The following CHD1 variants were observed in gnomAD, a reference collection of about 807,000 sequenced individuals.
CHD1 encodes chromodomain helicase DNA binding protein 1.
A neutral mutation model predicts 224.2 loss-of-function variants in CHD1; 36 were observed. The observed-to-expected ratio is 0.16, with a 90% CI of 0.12 to 0.21. The LOEUF is 0.21. Ranked by LOEUF, CHD1 falls within the 10% of genes least tolerant of loss-of-function variation. The probability of loss-of-function intolerance (pLI) is 1.00; values close to 1 mark genes in which losing one functional copy is unlikely to be tolerated. For synonymous variants in CHD1, 668 were observed against 658.3 expected (o/e 1.01, Z -0.23); for missense variants, 1,378 against 1,994.8 (o/e 0.69, Z 5.89).
rs577086544 is a variant in CHD1 at position 98,872,105 on chromosome 5, T to C, written c.3807A>G (p.Gly1269=). ...SNLLIGIYEY[G]YGSWEMIKMD... is the part of the protein sequence containing the mutation. ...TTTTAATCATTTCCCAGCTTCCATA[T>C]CCATATTCATAGATGCCAATTAACA... The change falls in exon 28 of 36, where the codon GGA becomes GGG. Residue 1269 remains glycine (G), a synonymous_variant. Transcript: ENST00000614616. 3 of 1,613,344 alleles carry C rather than the reference T, an allele frequency of 1.9e-6. No homozygotes were observed. The highest frequency in any genetic ancestry group is 4.5e-5 in the East Asian group (2 of 44,818).
At chr5:98,879,113 A>T (rs985807968) in intron 23 of CHD1, among the ~76,000 whole-genome samples, 4 of 152,294 alleles carry the variant, frequency 2.6e-5, no homozygotes, top group Middle Eastern at 6.8e-3. Context: ...ACACACCTGT[A>T]GTCCCAGCTA....
intron 31 of CHD1, among the ~76,000 whole-genome samples, chr5:98,867,573 T>C (rs1246629112): frequency 1.3e-5 from 2 of 152,146 alleles, no homozygotes; most frequent in Non-Finnish European, 2.9e-5. Flanking sequence ...TGTGTGTGTG[T>C]GTACATATTT....
chr5:98,883,934 T>TCCG (rs1750435195), intron 18 of CHD1: 1 of 131,322 alleles, frequency 7.6e-6, no homozygotes, highest in Non-Finnish European at 1.5e-5. Flanking sequence ...CTCCACCTCC[T>TCCG]AGGTTCAAGC....
intron 8 of CHD1, among the ~76,000 whole-genome samples, 191 bp from the exon 9 acceptor site, chr5:98,898,955 T>A (rs1015361630): frequency 1.3e-5 from 2 of 152,218 alleles, no homozygotes; most frequent in South Asian, 2.1e-4. Flanking sequence ...TAATTTATAA[T>A]GTATGAGACA....
chr5:98,862,172 C>G (rs943452536), intron 32 of CHD1, among the ~76,000 whole-genome samples: 2 of 152,060 alleles, frequency 1.3e-5, no homozygotes, highest in African/African-American at 4.8e-5. Context: ...ATAAATAAAT[C>G]AAAATAAAAT....
chr5:98,857,282 A>G (rs1396551750), intron 35 of CHD1, among the ~76,000 whole-genome samples: 1 of 152,106 alleles, frequency 6.6e-6, no homozygotes, highest in African/African-American at 2.4e-5. Context: ...ATAAAAAATA[A>G]ATGTGGCAGT....
At chr5:98,916,230 T>G (rs1485173876) in intron 2 of CHD1, among the ~76,000 whole-genome samples, 1 of 151,856 alleles carries the variant, frequency 6.6e-6, no homozygotes, top group African/African-American at 2.4e-5. Flanking sequence ...TTAAAGAGAT[T>G]ATTGATATTT....
chr5:98,874,592 G>A (rs1036992872), intron 25 of CHD1, among the ~76,000 whole-genome samples: 5 of 148,880 alleles, frequency 3.4e-5, no homozygotes, highest in Non-Finnish European at 5.9e-5. Flanking sequence ...TGCGCCTGTA[G>A]TCCCAGCTGC....
At chr5:98,910,716 G>C (rs1752333977) in intron 2 of CHD1, among the ~76,000 whole-genome samples, 3 of 151,924 alleles carry the variant, frequency 2.0e-5, no homozygotes, top group Admixed American at 6.6e-5. Context: ...TTAAATAAAT[G>C]GTAGCAGATT....
At chr5:98,881,493 C>A in intron 20 of CHD1, 118 bp from the exon 21 acceptor site, 2 of 533,548 alleles carry the variant, frequency 3.7e-6, no homozygotes, top group East Asian at 3.4e-5. Flanking sequence ...AGAAGTTAGA[C>A]AAATCAAGTA....
At chr5:98,893,733 TA>T (rs957054530) in intron 13 of CHD1, 127 bp from the exon 14 acceptor site, 1 of 620,158 alleles carries the variant, frequency 1.6e-6, no homozygotes, top group Non-Finnish European at 2.7e-6. Flanking sequence ...AATTTTCAAA[TA>T]AAAAATCGTA....
chr5:98,892,291 C>G (rs1055877041), intron 15 of CHD1, among the ~76,000 whole-genome samples: 3 of 152,076 alleles, frequency 2.0e-5, no homozygotes, highest in Non-Finnish European at 4.4e-5. Flanking sequence ...TATAGGAAAG[C>G]AATTAATTAT....
intron 32 of CHD1, among the ~76,000 whole-genome samples, chr5:98,861,476 C>T (rs1748461100): frequency 6.6e-6 from 1 of 152,118 alleles, no homozygotes; most frequent in Admixed American, 6.5e-5. Context: ...ATGGTAACTA[C>T]TGTAACACTT....
chr5:98,920,342 CTTTACA>C (rs1753011542), intron 2 of CHD1, among the ~76,000 whole-genome samples: 1 of 152,144 alleles, frequency 6.6e-6, no homozygotes, highest in Admixed American at 6.6e-5. Flanking sequence ...AAAACAGTAA[CTTTACA>C]GTAGAGAAAC....
At chr5:98,877,587 T>C (rs1749857110) in intron 23 of CHD1, among the ~76,000 whole-genome samples, 1 of 152,214 alleles carries the variant, frequency 6.6e-6, no homozygotes, top group Non-Finnish European at 1.5e-5. Flanking sequence ...ATTCTGTAAG[T>C]CTTGGGAGTT....
chr5:98,869,692 C>T (rs1749185624), intron 30 of CHD1, 62 bp downstream of exon 30: 3 of 1,553,064 alleles, frequency 1.9e-6, no homozygotes, highest in Non-Finnish European at 2.7e-6. Context: ...ATGTAAAGTA[C>T]ACAAAAACAT....
At chr5:98,869,622 G>GCGCACA (rs1554074391) in intron 30 of CHD1, 132 bp downstream of exon 30, 960 of 717,960 alleles carry the variant, frequency 1.3e-3, no homozygotes, top group African/African-American at 1.7e-3. Flanking sequence ...ACGTGCGCGC[G>GCGCACA]CACACACACA....
intron 18 of CHD1, among the ~76,000 whole-genome samples, chr5:98,885,331 G>A (rs1750575287): frequency 6.6e-6 from 1 of 152,268 alleles, no homozygotes. Context: ...GGCAGAGGTT[G>A]CAGTGAGTTG....
Position 98,856,367 on chromosome 5 carries a change from G to C in CHD1, c.*13C>G. ...TAAAAGAAAAGTCCAGAAAGACGAA[G>C]TATCAGTTTTTGTTATGTTTTCCGA... On this transcript the variant is annotated 3_prime_UTR_variant, in exon 36 of 36. Transcript: ENST00000614616. 1 of 1,589,118 alleles carries C rather than the reference G, an allele frequency of 6.3e-7. No individual in the cohort carries two copies. Among genetic ancestry groups the C allele is most frequent in the Non-Finnish European group, 8.6e-7 (1 of 1,159,150 alleles).
Sources: gnomAD v4.1 joint callset for allele counts (sites outside exome capture counted in the v4.1 genomes callset) on GRCh38, gnomAD v4.1.1 for gene constraint, MANE v1.5 for transcripts, NCBI Gene and HGNC (gene_info 2026-07-23, HGNC 2026-07-21) for gene names.